FAM163A: variants seen among roughly 807,000 people sequenced by gnomAD.
FAM163A encodes family with sequence similarity 163 member A.
In FAM163A, 7 loss-of-function variants were observed where a neutral mutation model predicts 12.0. The ratio of observed to expected loss-of-function variants is 0.58; its 90% CI spans 0.33 to 1.10. The LOEUF (loss-of-function observed/expected upper bound fraction) is 1.10, where lower values mean the gene tolerates loss of function less well. Ranked by LOEUF, FAM163A falls within the 50% of genes least tolerant of loss-of-function variation. The pLI, the probability that FAM163A is intolerant of heterozygous loss-of-function variation, is 0.03. For synonymous variants in FAM163A, 101 were observed against 91.0 expected (o/e 1.11, Z -0.62); for missense variants, 202 against 218.6 (o/e 0.92, Z 0.48).
At chr1:179,785,608 C>T (rs910588580) in intron 1 of FAM163A, among the ~76,000 whole-genome samples, 2 of 151,890 alleles carry the variant, frequency 1.3e-5, no homozygotes, top group East Asian at 3.9e-4. Flanking sequence ...TGTATGAGTT[C>T]GAGGCAAAAC....
chr1:179,800,086 C>A (rs776011273), intron 1 of FAM163A, among the ~76,000 whole-genome samples: 2 of 152,174 alleles, frequency 1.3e-5, no homozygotes, highest in Non-Finnish European at 2.9e-5. Context: ...TATTGAGCAT[C>A]TACTATGTTC....
chr1:179,734,465 TA>T, the FAM163A span, among the ~76,000 whole-genome samples: 4 of 152,206 alleles, frequency 2.6e-5, no homozygotes, highest in Admixed American at 6.5e-5. Flanking sequence ...TACCAATCAA[TA>T]AAAACATAGA....
chr1:179,801,969 G>A (rs749779501), intron 1 of FAM163A, among the ~76,000 whole-genome samples: 33 of 152,182 alleles, frequency 2.2e-4, no homozygotes, highest in Non-Finnish European at 4.0e-4. Context: ...GGACAAATAG[G>A]CCTTAGGAAG....
intron 1 of FAM163A, among the ~76,000 whole-genome samples, chr1:179,801,121 C>T (rs2647225): frequency 0.34 from 51,031 of 151,952 alleles, 8,835 homozygotes; most frequent in Middle Eastern, 0.48. Context: ...CAGATAGGCA[C>T]ATCTGGATGT....
At chr1:179,796,152 C>CAT (rs1267378736) in intron 1 of FAM163A, among the ~76,000 whole-genome samples, 1 of 151,898 alleles carries the variant, frequency 6.6e-6, no homozygotes, top group African/African-American at 2.4e-5. Context: ...CACACACACA[C>CAT]ACACACACAC....
chr1:179,808,528 A>G (rs189383032), intron 2 of FAM163A, among the ~76,000 whole-genome samples: 26 of 152,362 alleles, frequency 1.7e-4, no homozygotes, highest in African/African-American at 5.5e-4. Flanking sequence ...GTCCCCAGCC[A>G]GGAATTGGCC....
intron 1 of FAM163A, among the ~76,000 whole-genome samples, chr1:179,805,119 GC>G (rs1268596701): frequency 6.6e-6 from 1 of 151,822 alleles, no homozygotes; most frequent in African/African-American, 2.4e-5. Flanking sequence ...ATCTTCCCCT[GC>G]CCCTAGAAAA....
chr1:179,758,948 T>G (rs1343430419), intron 1 of FAM163A, among the ~76,000 whole-genome samples: 1 of 152,230 alleles, frequency 6.6e-6, no homozygotes, highest in African/African-American at 2.4e-5. Flanking sequence ...TTAAATAGTT[T>G]TAATAGCACC....
intron 1 of FAM163A, among the ~76,000 whole-genome samples, chr1:179,789,183 A>AT (rs71297879): frequency 0.22 from 33,002 of 151,708 alleles, 4,064 homozygotes; most frequent in Non-Finnish European, 0.27. Context: ...AGGAGACTAG[A>AT]TTTTTTTTTC....
chr1:179,728,648 G>C, the FAM163A span, among the ~76,000 whole-genome samples: 1 of 152,112 alleles, frequency 6.6e-6, no homozygotes, highest in Non-Finnish European at 1.5e-5. Context: ...TTTGTGATTT[G>C]TTTGTTTTTG....
chr1:179,777,893 G>A (rs953733796), intron 1 of FAM163A, among the ~76,000 whole-genome samples: 4 of 152,208 alleles, frequency 2.6e-5, no homozygotes, highest in Non-Finnish European at 2.9e-5. Context: ...ACGTCCTGCA[G>A]TTCTGCAGAC....
chr1:179,813,901 C>T lies in FAM163A; in HGVS notation c.216C>T (p.Gly72=). The change falls in exon 5 of 5, where the codon GGC becomes GGT. Residue 72 remains glycine, a synonymous_variant. Coordinates refer to ENST00000341785, the MANE Select transcript of FAM163A (RefSeq NM_173509.3). ...CNACSSQALD[G]RGSLAPLTSE... ...CCTGCAGCTCCCAAGCCCTGGACGG[C>T]AGAGGCAGCCTGGCGCCTCTCACCA... is the stretch of plus-strand genomic sequence containing the variant. The T allele has an allele frequency of 1.2e-6, 2 of 1,613,876 alleles. No individual in the cohort carries two copies. The highest frequency in any genetic ancestry group is 1.7e-6 in the Non-Finnish European group (2 of 1,180,028).
In FAM163A at chr1:179,815,107, GCGCACAGACACA is replaced by G. The variant is rs1476089095; in HGVS notation, c.*920_*931del. On this transcript the variant is annotated 3_prime_UTR_variant, in exon 5 of 5. Transcript: ENST00000341785. The stretch of plus-strand genomic sequence containing the variant: ...CCCAGGTGTACGCACGCGCGCGCGC[GCGCACAGACACA>G]CACACACACACACACACACACACAC... The G allele has an allele frequency of 7.1e-3, 459 of 64,916 alleles. 3 individuals carry two copies. The highest frequency in any genetic ancestry group is 0.033 in the African/African-American group (426 of 13,036). 4.0% of individuals were successfully genotyped at this position (64,916 alleles called of 1,614,324 possible).
chr1:179,766,616 G>A (rs1285147477), intron 1 of FAM163A, among the ~76,000 whole-genome samples: 2 of 152,064 alleles, frequency 1.3e-5, no homozygotes, highest in South Asian at 4.1e-4. Context: ...TGCCTTTTTC[G>A]AGTTGATTTT....
chr1:179,786,148 A>C (rs933942988), intron 1 of FAM163A, among the ~76,000 whole-genome samples: 2 of 152,254 alleles, frequency 1.3e-5, no homozygotes, highest in Non-Finnish European at 2.9e-5. Flanking sequence ...GGATTTAAAA[A>C]GATGTTATTT....
At chr1:179,752,202 A>G (rs779291711) in intron 1 of FAM163A, among the ~76,000 whole-genome samples, 2 of 152,204 alleles carry the variant, frequency 1.3e-5, no homozygotes, top group African/African-American at 2.4e-5. Flanking sequence ...AGTGGAAAGG[A>G]TAGTCTCTTC....
At chr1:179,762,815 G>C (rs1383638956) in intron 1 of FAM163A, among the ~76,000 whole-genome samples, 1 of 152,200 alleles carries the variant, frequency 6.6e-6, no homozygotes, top group African/African-American at 2.4e-5. Context: ...CACTGTGGGG[G>C]CCTAGGAGAG....
chr1:179,732,515 T>A, the FAM163A span, among the ~76,000 whole-genome samples: 1 of 152,162 alleles, frequency 6.6e-6, no homozygotes, highest in African/African-American at 2.4e-5. Context: ...TGTTTTTTAA[T>A]GAGTAATATT....
chr1:179,793,880 C>T (rs544674910), intron 1 of FAM163A, among the ~76,000 whole-genome samples: 6 of 152,330 alleles, frequency 3.9e-5, no homozygotes, highest in African/African-American at 1.2e-4. Context: ...GGCTCTCTGA[C>T]TTACAGGTAT....
Sources: allele counts gnomAD v4.1 joint callset (sites outside exome capture counted in the v4.1 genomes callset), GRCh38; gene constraint gnomAD v4.1.1; transcripts MANE v1.5; gene names NCBI Gene and HGNC (gene_info 2026-07-23, HGNC 2026-07-21).